The following RUFY3 variants were observed in gnomAD, a reference collection of about 807,000 sequenced individuals.
RUFY3 encodes RUN and FYVE domain containing 3, also known as protein RUFY3.
RUFY3 carries 34 observed loss-of-function variants against 84.0 expected under a neutral mutation model. The ratio of observed to expected loss-of-function variants is 0.40; its 90% CI spans 0.31 to 0.54. The LOEUF is 0.54. Among genes scored for constraint, RUFY3 ranks in the 20% least tolerant of loss-of-function variants. The pLI, the probability that RUFY3 is intolerant of heterozygous loss-of-function variation, is 0.39. For missense variants in RUFY3, 507 were observed against 736.8 expected (o/e 0.69, Z 3.61); for synonymous variants, 242 against 252.9 (o/e 0.96, Z 0.41).
In RUFY3 at chr4:70,763,565, T is replaced by C; in HGVS notation, c.366T>C (p.Phe122=). The C allele has an allele frequency of 6.2e-7, 1 of 1,605,390 alleles. No individual in the cohort carries two copies. Among genetic ancestry groups the C allele is most frequent in the Non-Finnish European group, 8.5e-7 (1 of 1,177,908 alleles). Reference sequence around the variant, plus strand: ...TTGTTGCCTTAGCTAAAAAAACTTTTCTCGGACAAAATAAATCCTTCTGGG... The same window carrying C: ...TTGTTGCCTTAGCTAAAAAAACTTTCCTCGGACAAAATAAATCCTTCTGGG... ...LKHGLKAKKT[F]LGQNKSFWGP... The change falls in exon 3 of 18, where the codon TTT becomes TTC. Residue 122 remains phenylalanine, a synonymous_variant. Coordinates refer to ENST00000381006, the MANE Select transcript of RUFY3 (RefSeq NM_001037442.4).
chr4:70,772,907 C>T (rs1224386680), intron 5 of RUFY3, among the ~76,000 whole-genome samples: 2 of 152,110 alleles, frequency 1.3e-5, no homozygotes, highest in South Asian at 2.1e-4. Context: ...GTGATCCACC[C>T]GCTTCGGCCT....
intron 2 of RUFY3, 110 bp downstream of exon 2, chr4:70,762,802 A>C (rs575454902): frequency 1.1e-6 from 1 of 931,286 alleles, no homozygotes; most frequent in African/African-American, 1.7e-5. Flanking sequence ...TTGAATTAAT[A>C]ATATTAATCC....
At chr4:70,759,511 C>T (rs148132437) in intron 1 of RUFY3, among the ~76,000 whole-genome samples, 8 of 152,106 alleles carry the variant, frequency 5.3e-5, no homozygotes, top group African/African-American at 1.7e-4. Context: ...TTTGTTATAT[C>T]GATTTCCTTT....
At chr4:70,797,970 A>G (rs563180003) in intron 14 of RUFY3, among the ~76,000 whole-genome samples, 33 of 152,272 alleles carry the variant, frequency 2.2e-4, no homozygotes, top group African/African-American at 7.7e-4. Context: ...ACCTCACCCT[A>G]TTTTTCCAAT....
upstream of RUFY3, chr4:70,704,185 A>G (rs1249294324): frequency 3.9e-5 from 6 of 152,384 alleles, no homozygotes; most frequent in Admixed American, 3.9e-4. Context: ...CTAGAAAACC[A>G]GGGAATTAAA....
chr4:70,781,424 A>G (rs1299932891), intron 8 of RUFY3, among the ~76,000 whole-genome samples: 1 of 152,216 alleles, frequency 6.6e-6, no homozygotes, highest in Non-Finnish European at 1.5e-5. Context: ...AGGCTGCAGT[A>G]GCCAAGATTG....
chr4:70,747,673 ACT>A, intron 1 of RUFY3, among the ~76,000 whole-genome samples: 1 of 152,146 alleles, frequency 6.6e-6, no homozygotes, highest in South Asian at 2.1e-4. Context: ...TATGCTGATG[ACT>A]CTCTAAGTCC....
intron 12 of RUFY3, among the ~76,000 whole-genome samples, chr4:70,790,343 G>A (rs1379507146): frequency 6.6e-6 from 1 of 152,140 alleles, no homozygotes; most frequent in Non-Finnish European, 1.5e-5. Context: ...GGTACCCAAG[G>A]TCATTTGATG....
rs1299897681 is a variant in RUFY3, at chr4:70,762,415, T to A, written c.179-104T>A. On this transcript the variant is annotated intron_variant, in intron 1 of 17. Transcript: ENST00000381006. The stretch of plus-strand genomic sequence containing the variant: ...ATATTCTTAAAGGAAACTGGCATTT[T>A]TTTTCACAGTGAGTACATGGTGGAG... The A allele has an allele frequency of 3.9e-6, 4 of 1,020,728 alleles. No homozygotes were observed. The African/African-American group carries it at 6.5e-5, about 17-fold the overall frequency. 63.2% of individuals were successfully genotyped at this position (1,020,728 alleles called of 1,614,324 possible). A position where few individuals can be genotyped will look rare whatever the true frequency, so the allele number is the denominator to read the frequency against.
chr4:70,796,407 A>G (rs1228431606), intron 14 of RUFY3, among the ~76,000 whole-genome samples: 1 of 152,156 alleles, frequency 6.6e-6, no homozygotes, highest in Non-Finnish European at 1.5e-5. Context: ...TCAGGATTGT[A>G]CTATGAAGTT....
At chr4:70,794,194 G>A (rs1311785252) in intron 13 of RUFY3, among the ~76,000 whole-genome samples, 1 of 152,162 alleles carries the variant, frequency 6.6e-6, no homozygotes, top group Non-Finnish European at 1.5e-5. Context: ...TTCTTACTGT[G>A]TGCCAGATAC....
intron 12 of RUFY3, chr4:70,793,084 A>C: frequency 1.0e-6 from 1 of 985,420 alleles, no homozygotes; most frequent in East Asian, 1.1e-4. Flanking sequence ...GTTATAAGAT[A>C]TGTAGAAGAA....
chr4:70,707,988 G>T (rs1207259282), intron 1 of RUFY3, among the ~76,000 whole-genome samples: 1 of 152,152 alleles, frequency 6.6e-6, no homozygotes, highest in East Asian at 1.9e-4. Flanking sequence ...CCAGGTGCTG[G>T]TGGCTCACAC....
At chr4:70,709,088 A>G (rs1387965818) in intron 1 of RUFY3, among the ~76,000 whole-genome samples, 1 of 152,200 alleles carries the variant, frequency 6.6e-6, no homozygotes, top group African/African-American at 2.4e-5. Context: ...AAGGTAGCCT[A>G]AACTTTTCAG....
chr4:70,750,882 T>C (rs1723026338), intron 1 of RUFY3, among the ~76,000 whole-genome samples: 1 of 152,196 alleles, frequency 6.6e-6, no homozygotes, highest in South Asian at 2.1e-4. Context: ...TAGTATATGT[T>C]TTCAAGGGTT....
chr4:70,737,933 A>C (rs1407700929), intron 1 of RUFY3, among the ~76,000 whole-genome samples: 3 of 150,926 alleles, frequency 2.0e-5, no homozygotes, highest in African/African-American at 7.3e-5. Flanking sequence ...TAGGCTTCCC[A>C]AAGTGCTGGG....
At chr4:70,796,360 A>T (rs966793162) in intron 14 of RUFY3, among the ~76,000 whole-genome samples, 20 of 152,082 alleles carry the variant, frequency 1.3e-4, no homozygotes, top group Admixed American at 1.3e-4. Flanking sequence ...CACCACTTCC[A>T]CCTCTTCATA....
At chr4:70,720,709 A>G (rs890601400), upstream of RUFY3, among the ~76,000 whole-genome samples, 1 of 152,222 alleles carries the variant, frequency 6.6e-6, no homozygotes. Context: ...TTGAATTTGT[A>G]TGTTCCTCCT....
rs1308905007 is a variant in RUFY3, at chr4:70,722,165, A to G, written c.-409A>G. The G allele has an allele frequency of 2.4e-6, 3 of 1,230,804 alleles. No individual in the cohort carries two copies. The highest frequency in any genetic ancestry group is 3.0e-6 in the Non-Finnish European group (3 of 987,698). 76.2% of individuals were successfully genotyped at this position (1,230,804 alleles called of 1,614,324 possible). On this transcript the variant is annotated 5_prime_UTR_variant, in exon 1 of 18. Transcript: ENST00000381006. Reference sequence around the variant, plus strand: ...ATATTTTTTTTCTGCACAAAGGAGGAGGATTTTTCACTTACTCATATCGAG... The same window carrying G: ...ATATTTTTTTTCTGCACAAAGGAGGGGGATTTTTCACTTACTCATATCGAG...
Sources: allele counts gnomAD v4.1 joint callset (sites outside exome capture counted in the v4.1 genomes callset), GRCh38; gene constraint gnomAD v4.1.1; transcripts MANE v1.5; gene names NCBI Gene and HGNC (gene_info 2026-07-23, HGNC 2026-07-21).